SH3BP4: variants seen among roughly 807,000 people sequenced by gnomAD.
SH3BP4 encodes SH3 domain binding protein 4, also known as SH3 domain-binding protein 4.
A neutral mutation model predicts 65.5 loss-of-function variants in SH3BP4; 33 were observed. That is an observed-to-expected ratio of 0.50 (90% CI 0.38 to 0.67). The LOEUF is 0.67. SH3BP4 is among the 30% of genes least tolerant of loss of function. The pLI is 0.00. For synonymous variants in SH3BP4, 552 were observed against 545.5 expected (o/e 1.01, Z -0.17); for missense variants, 1,134 against 1,261.4 (o/e 0.90, Z 1.53).
At chr2:234,996,567 C>T (rs1693925095) in intron 2 of SH3BP4, among the ~76,000 whole-genome samples, 1 of 152,228 alleles carries the variant, frequency 6.6e-6, no homozygotes, top group Non-Finnish European at 1.5e-5. Flanking sequence ...CAGGCAGAGG[C>T]CACCAGCAGG....
At chr2:234,956,557 CT>C (rs536560384) in intron 1 of SH3BP4, among the ~76,000 whole-genome samples, 15,960 of 138,186 alleles carry the variant, frequency 0.12, 795 homozygotes, top group Non-Finnish European at 0.14. Flanking sequence ...AACCCTGCCT[CT>C]TTTTTTTTTT....
At chr2:235,005,457 G>A (rs916058431) in intron 2 of SH3BP4, among the ~76,000 whole-genome samples, 2 of 152,090 alleles carry the variant, frequency 1.3e-5, no homozygotes, top group African/African-American at 4.8e-5. Flanking sequence ...CTTCCCCCAG[G>A]GGTCCCTTCA....
chr2:235,052,595 G>A lies in SH3BP4; in HGVS notation c.2512G>A (p.Val838Ile). Residue 838 changes from valine (V) to isoleucine (I), a missense_variant, in exon 5 of 6, where the codon GTC (valine) becomes ATC (isoleucine). Transcript: ENST00000392011. This position sits in a 1 kb window ranked among gnomAD's most constrained non-coding sequence, Gnocchi z 5.0. ...GAAGATGGACTGCCAGGGCCTGGTG[G>A]TCAGACTCATCCAGGACTTTGTGCT... The part of the protein sequence containing the change: ...LLKMDCQGLV[V>I]RLIQDFVLLT... 1 of 1,554,194 alleles carries A rather than the reference G, an allele frequency of 6.4e-7. No individual in the cohort carries two copies. The highest frequency in any genetic ancestry group is 8.7e-7 in the Non-Finnish European group (1 of 1,148,742).
At chr2:235,027,979 G>C (rs1237179750) in intron 2 of SH3BP4, among the ~76,000 whole-genome samples, 1 of 152,186 alleles carries the variant, frequency 6.6e-6, no homozygotes, top group African/African-American at 2.4e-5. Flanking sequence ...CGTAGCGGAG[G>C]GGGTGTGTGC....
intron 1 of SH3BP4, among the ~76,000 whole-genome samples, chr2:234,955,482 A>G (rs1692566021): frequency 6.6e-6 from 1 of 152,170 alleles, no homozygotes; most frequent in African/African-American, 2.4e-5. Flanking sequence ...GAGGGCGTCC[A>G]CGTGTTACAT....
chr2:234,963,644 G>A (rs1315693039), intron 1 of SH3BP4, among the ~76,000 whole-genome samples: 1 of 152,210 alleles, frequency 6.6e-6, no homozygotes, highest in African/African-American at 2.4e-5. Flanking sequence ...GGGAGTAACT[G>A]TATGTTCTAG....
chr2:235,038,373 ATACATATATATATAT>A lies in SH3BP4; in HGVS notation c.119-2514_119-2500del, dbSNP rs1695507442. ...TTTTATATATATATATATAATATAT[ATACATATATATATAT>A]ATATATATATATATATATATATATA... On this transcript the variant is annotated intron_variant, in intron 3 of 5. Transcript: ENST00000392011. Among the ~76,000 whole-genome samples, 2 of 41,992 alleles carry A rather than the reference ATACATATATATATAT, an allele frequency of 4.8e-5. 1 individual carries two copies. The highest frequency in any genetic ancestry group is 7.1e-4 in the Admixed American group (2 of 2,810). The allele number at this position is 41,992 out of a possible 152,430, so 27.5% of individuals were successfully genotyped here. A position where few individuals can be genotyped will look rare whatever the true frequency, so the allele number is the denominator to read the frequency against.
chr2:235,025,927 CAG>C (rs1386153653), intron 2 of SH3BP4, among the ~76,000 whole-genome samples: 1 of 152,180 alleles, frequency 6.6e-6, no homozygotes, highest in Admixed American at 6.5e-5. Flanking sequence ...TTGGAAGAAA[CAG>C]TAGCTGTGTT....
rs1404250086 is a variant in SH3BP4, at chr2:235,041,081, C to T, written c.312C>T (p.Ile104=). ...YAHNTTEMGY[I]PSSYVQPLNY... is the part of the protein sequence containing the mutation. ...ACAACACCACCGAAATGGGCTACAT[C>T]CCCTCCTCCTATGTGCAGCCCTTGA... The change falls in exon 4 of 6, where the codon ATC becomes ATT. Residue 104 remains isoleucine (I), a synonymous_variant. Transcript: ENST00000392011. The surrounding 1 kb of genome is among the most constrained non-coding windows in gnomAD (Gnocchi z 6.0). 3 of 1,614,090 alleles carry T rather than the reference C, an allele frequency of 1.9e-6. No homozygotes were observed. The highest frequency in any genetic ancestry group is 8.5e-7 in the Non-Finnish European group (1 of 1,179,966).
Position 235,004,049 on chromosome 2 carries a change from C to T in SH3BP4, c.-133+8673C>T, listed in dbSNP as rs1048553432. Among the ~76,000 whole-genome samples, 6 of 152,326 alleles carry T rather than the reference C, an allele frequency of 3.9e-5. No homozygotes were observed. The South Asian group carries it at 8.3e-4, about 21-fold the overall frequency. On this transcript the variant is annotated intron_variant, in intron 2 of 5. Transcript: ENST00000392011. ...GGCTGTCACTCGGTGAAGTTTGCCA[C>T]GGCTTCCCCTGTTGGTGGCGTTTTT...
At chr2:234,986,409 T>C (rs115575060) in intron 1 of SH3BP4, among the ~76,000 whole-genome samples, 1,714 of 152,354 alleles carry the variant, frequency 0.011, 33 homozygotes, top group African/African-American at 0.036. Context: ...CAAACATTCG[T>C]AGTCTGATTC....
At chr2:235,002,099 G>A (rs1262488367) in intron 2 of SH3BP4, among the ~76,000 whole-genome samples, 1 of 152,088 alleles carries the variant, frequency 6.6e-6, no homozygotes, top group African/African-American at 2.4e-5. Context: ...GACCTCAGGC[G>A]ACCCGCCCGC....
At chr2:235,020,462 A>G (rs915992516) in intron 2 of SH3BP4, among the ~76,000 whole-genome samples, 1 of 152,092 alleles carries the variant, frequency 6.6e-6, no homozygotes, top group Non-Finnish European at 1.5e-5. Flanking sequence ...GTACCACTGC[A>G]CTCTAGCCTG....
rs112927965 is a variant in SH3BP4, at chr2:235,047,444, G to A, written c.2478+4197G>A. On this transcript the variant is annotated intron_variant, in intron 4 of 5. Coordinates refer to ENST00000392011, the MANE Select transcript of SH3BP4 (RefSeq NM_014521.3). ...AACACTGCGTGGTCGGTGGGCTCCC[G>A]TCAGGCAAAGAGGAGGGGCAGCGTC... Among the ~76,000 whole-genome samples, 381 of 152,336 alleles carry A rather than the reference G, an allele frequency of 2.5e-3. 1 individual carries two copies. Among genetic ancestry groups the A allele is most frequent in the African/African-American group, 8.3e-3 (346 of 41,578 alleles).
Position 234,977,220 on chromosome 2 carries a change from G to A in SH3BP4, c.-206-18083G>A, listed in dbSNP as rs1358007790. On this transcript the variant is annotated intron_variant, in intron 1 of 5. Transcript: ENST00000392011. The surrounding 1 kb of genome is among the most constrained non-coding windows in gnomAD (Gnocchi z 5.1). ...GCACCCGTGTCTGCTTCAGGCAGGT[G>A]ACACTGGGCACCTCCTGCCGGGGAG... 6.6e-6 allele frequency among the ~76,000 whole-genome samples: 1 copy of A among 152,232 alleles called. No individual in the cohort carries two copies. The highest frequency in any genetic ancestry group is 1.5e-5 in the Non-Finnish European group (1 of 68,038).
At chr2:234,992,974 G>T (rs1265082880) in intron 1 of SH3BP4, among the ~76,000 whole-genome samples, 1 of 152,196 alleles carries the variant, frequency 6.6e-6, no homozygotes, top group Non-Finnish European at 1.5e-5. Context: ...CCTGGAGATG[G>T]ATGTGTTCCT....
intron 1 of SH3BP4, among the ~76,000 whole-genome samples, chr2:234,956,720 G>GTT (rs537188648): frequency 3.4e-5 from 5 of 147,624 alleles, no homozygotes; most frequent in Non-Finnish European, 6.0e-5. Flanking sequence ...CGCCCGGGTA[G>GTT]TTTTTTTTTT....
intron 2 of SH3BP4, among the ~76,000 whole-genome samples, chr2:235,000,854 C>T (rs963699866): frequency 6.6e-6 from 1 of 152,236 alleles, no homozygotes; most frequent in African/African-American, 2.4e-5. Flanking sequence ...GTGGGTTCTG[C>T]CTTTTTCTGC....
intron 3 of SH3BP4, among the ~76,000 whole-genome samples, chr2:235,038,367 A>AG (rs1559254548): frequency 1.1e-4 from 1 of 9,308 alleles, no homozygotes. Context: ...TATATATATA[A>AG]TATATATACA....
Sources: allele counts gnomAD v4.1 joint callset (sites outside exome capture counted in the v4.1 genomes callset), GRCh38; gene constraint gnomAD v4.1.1; non-coding constraint Gnocchi (gnomAD v3.1); transcripts MANE v1.5; gene names NCBI Gene and HGNC (gene_info 2026-07-23, HGNC 2026-07-21).